The following PTPRD variants were observed in gnomAD, a reference collection of about 807,000 sequenced individuals.
PTPRD encodes the protein protein tyrosine phosphatase receptor type D, also known as receptor-type tyrosine-protein phosphatase delta.
Under a neutral mutation model 214.5 loss-of-function variants are expected in PTPRD, and 34 were observed. The ratio of observed to expected loss-of-function variants is 0.16; its 90% CI spans 0.12 to 0.21. The LOEUF (loss-of-function observed/expected upper bound fraction) is 0.21, where lower values mean the gene tolerates loss of function less well. Among genes scored for constraint, PTPRD ranks in the 10% least tolerant of loss-of-function variants. PTPRD has a pLI of 1.00. For missense variants in PTPRD, 2,545 were observed against 2,398.7 expected, an observed-to-expected ratio of 1.06 and a Z score of -1.27; for synonymous variants, 1,128 against 845.7, an observed-to-expected ratio of 1.33 and a Z score of -5.79.
chr9:9,120,451 T>C (rs558243712), intron 10 of PTPRD, among the ~76,000 whole-genome samples: 1 of 152,312 alleles, frequency 6.6e-6, no homozygotes, highest in South Asian at 2.1e-4. Flanking sequence ...TATCATTGAC[T>C]CCTGTATACA....
At chr9:8,599,606 G>T in intron 14 of PTPRD, among the ~76,000 whole-genome samples, 1 of 43,674 alleles carries the variant, frequency 2.3e-5, no homozygotes, top group Non-Finnish European at 4.3e-5. Flanking sequence ...TCCCCCACCC[G>T]CCCACCCTTT....
intron 3 of PTPRD, among the ~76,000 whole-genome samples, chr9:10,078,606 CAG>C (rs2098178171): frequency 6.7e-6 from 1 of 150,100 alleles, no homozygotes; most frequent in Non-Finnish European, 1.5e-5. Context: ...ATATCCCAAT[CAG>C]GGGGTGTTTG....
At chr9:8,650,925 A>T (rs2096794663) in intron 12 of PTPRD, among the ~76,000 whole-genome samples, 1 of 151,898 alleles carries the variant, frequency 6.6e-6, no homozygotes, top group Non-Finnish European at 1.5e-5. Flanking sequence ...CTCTAAGCTG[A>T]AAAGTATTTG....
intron 14 of PTPRD, among the ~76,000 whole-genome samples, chr9:8,613,337 T>C (rs2095511921): frequency 6.6e-6 from 1 of 152,184 alleles, no homozygotes; most frequent in Non-Finnish European, 1.5e-5. Context: ...GGAAAGGTAC[T>C]ATCCCTGACA....
chr9:9,060,330 C>G (rs907279589), intron 10 of PTPRD, among the ~76,000 whole-genome samples: 2 of 152,126 alleles, frequency 1.3e-5, no homozygotes, highest in East Asian at 1.9e-4. Flanking sequence ...GAATTTGACT[C>G]TTATCTCACA....
At chr9:9,233,673 A>C (rs1347585373) in intron 9 of PTPRD, among the ~76,000 whole-genome samples, 3 of 152,248 alleles carry the variant, frequency 2.0e-5, no homozygotes, top group Non-Finnish European at 2.9e-5. Context: ...AAATACACCC[A>C]TTCCAAATGG....
At chr9:8,608,899 A>G (rs1216292274) in intron 14 of PTPRD, among the ~76,000 whole-genome samples, 1 of 152,154 alleles carries the variant, frequency 6.6e-6, no homozygotes, top group Non-Finnish European at 1.5e-5. Flanking sequence ...GTGAATCAGC[A>G]CAAGTCAAGT....
At chr9:9,921,454 A>G (rs1464320209) in intron 5 of PTPRD, among the ~76,000 whole-genome samples, 1 of 151,924 alleles carries the variant, frequency 6.6e-6, no homozygotes, top group Non-Finnish European at 1.5e-5. Flanking sequence ...TATGACACTC[A>G]CACATATAAT....
intron 9 of PTPRD, among the ~76,000 whole-genome samples, chr9:9,344,050 T>C (rs898956150): frequency 6.6e-6 from 1 of 152,178 alleles, no homozygotes; most frequent in Non-Finnish European, 1.5e-5. Flanking sequence ...TAGCCAAGTA[T>C]ACTGAAAATG....
intron 4 of PTPRD, among the ~76,000 whole-genome samples, chr9:9,981,354 A>ATTC (rs36081416): frequency 0.013 from 1,801 of 138,164 alleles, 70 homozygotes; most frequent in African/African-American, 0.04. Context: ...ACATTAAACA[A>ATTC]TTTTTTTTTT....
chr9:9,222,000 AAT>A (rs1456621407), intron 9 of PTPRD, among the ~76,000 whole-genome samples: 1 of 152,094 alleles, frequency 6.6e-6, no homozygotes, highest in Admixed American at 6.6e-5. Flanking sequence ...TAAATCAATC[AAT>A]GTTATAAAAT....
intron 9 of PTPRD, among the ~76,000 whole-genome samples, chr9:9,228,135 T>C (rs1398267126): frequency 6.6e-6 from 1 of 152,112 alleles, no homozygotes; most frequent in Non-Finnish European, 1.5e-5. Context: ...TACATATATA[T>C]GCCTGTATTT....
intron 4 of PTPRD, among the ~76,000 whole-genome samples, chr9:9,993,224 T>G (rs929912602): frequency 6.6e-6 from 1 of 152,206 alleles, no homozygotes; most frequent in Non-Finnish European, 1.5e-5. Flanking sequence ...TAGACATCAT[T>G]TGGCTATATC....
chr9:10,332,769 G>A (rs1431826705), intron 3 of PTPRD, among the ~76,000 whole-genome samples: 1 of 151,702 alleles, frequency 6.6e-6, no homozygotes, highest in Non-Finnish European at 1.5e-5. Flanking sequence ...TTGCAGTCCG[G>A]TGAAAGAGTC....
chr9:8,325,057 C>G (rs943625215), intron 44 of PTPRD, among the ~76,000 whole-genome samples: 1 of 150,238 alleles, frequency 6.7e-6, no homozygotes. Context: ...TGCCTGTTCA[C>G]TCTGATGGTA....
At chr9:9,549,491 C>A (rs1254250139) in intron 8 of PTPRD, among the ~76,000 whole-genome samples, 3 of 152,036 alleles carry the variant, frequency 2.0e-5, no homozygotes, top group Non-Finnish European at 2.9e-5. Flanking sequence ...CACATCTCTA[C>A]CAAAATAGAT....
At chr9:9,843,664 C>A (rs1007307069) in intron 5 of PTPRD, among the ~76,000 whole-genome samples, 1 of 151,602 alleles carries the variant, frequency 6.6e-6, no homozygotes, top group East Asian at 1.9e-4. Context: ...GAATATTTCT[C>A]GATCTTTGAA....
chr9:9,635,311 T>C (rs1472004366), intron 7 of PTPRD, among the ~76,000 whole-genome samples: 1 of 152,082 alleles, frequency 6.6e-6, no homozygotes, highest in East Asian at 1.9e-4. Flanking sequence ...AGTGGAAGAG[T>C]CTGCTAAATG....
At chr9:9,048,201 T>C (rs753756781) in intron 10 of PTPRD, among the ~76,000 whole-genome samples, 3 of 152,058 alleles carry the variant, frequency 2.0e-5, no homozygotes, top group Non-Finnish European at 4.4e-5. Flanking sequence ...ACACTTTTGG[T>C]GGAACTGTAA....
Sources: allele counts gnomAD v4.1 joint callset (sites outside exome capture counted in the v4.1 genomes callset), GRCh38; gene constraint gnomAD v4.1.1; transcripts MANE v1.5; gene names NCBI Gene and HGNC (gene_info 2026-07-23, HGNC 2026-07-21).